VDR: variants seen among roughly 807,000 people sequenced by gnomAD.
The protein encoded by VDR is vitamin D3 receptor.
In VDR, 19 loss-of-function variants were observed where a neutral mutation model predicts 39.7. The ratio of observed to expected loss-of-function variants is 0.48; its 90% CI spans 0.33 to 0.70. VDR has a LOEUF of 0.70. Among genes scored for constraint, VDR ranks in the 30% least tolerant of loss-of-function variants. VDR has a pLI of 0.02. For synonymous variants in VDR, 242 were observed against 215.8 expected, an observed-to-expected ratio of 1.12 and a Z score of -1.07; for missense variants, 442 against 570.5, an observed-to-expected ratio of 0.77 and a Z score of 2.29.
chr12:47,844,319 AC>A lies in VDR; in HGVS notation c.*426del, dbSNP rs1945230156. On this transcript the variant is annotated 3_prime_UTR_variant, in exon 10 of 10. Coordinates refer to ENST00000549336, the MANE Select transcript of VDR (RefSeq NM_000376.3). ...TATCGTGAGTAGGCAGGAGAGGGAG[AC>A]CCCACTAGGCGCTGGACAAGCGGGG... is the stretch of plus-strand genomic sequence containing the variant. The A allele has an allele frequency of 3.6e-6, 1 of 280,646 alleles. No homozygotes were observed. The highest frequency in any genetic ancestry group is 6.9e-6 in the Non-Finnish European group (1 of 145,280). 17.4% of individuals were successfully genotyped at this position (280,646 alleles called of 1,614,324 possible).
At chr12:47,886,649 A>G (rs1309471330) in intron 1 of VDR, among the ~76,000 whole-genome samples, 1 of 152,236 alleles carries the variant, frequency 6.6e-6, no homozygotes, top group African/African-American at 2.4e-5. Flanking sequence ...TCTACAGACC[A>G]CAATGTCCAC....
intron 1 of VDR, among the ~76,000 whole-genome samples, chr12:47,890,011 A>G (rs925650238): frequency 6.6e-6 from 1 of 151,658 alleles, no homozygotes; most frequent in African/African-American, 2.4e-5. Flanking sequence ...TCACTCCTTT[A>G]TTATACTGAT....
chr12:47,861,206 A>AT, intron 4 of VDR, among the ~76,000 whole-genome samples: 2 of 152,278 alleles, frequency 1.3e-5, no homozygotes, highest in Non-Finnish European at 2.9e-5. Context: ...TTTGACAGGC[A>AT]TTGTGTTCCA....
intron 1 of VDR, among the ~76,000 whole-genome samples, chr12:47,889,606 A>T (rs1456823657): frequency 1.3e-5 from 2 of 152,106 alleles, no homozygotes; most frequent in Non-Finnish European, 2.9e-5. Context: ...TCTTCCTGGG[A>T]CACTAGCATG....
At chr12:47,871,466 CTTTTTTTT>C (rs11332250) in intron 3 of VDR, among the ~76,000 whole-genome samples, 1 of 114,490 alleles carries the variant, frequency 8.7e-6, no homozygotes, top group African/African-American at 3.5e-5. Flanking sequence ...CTCTTTCTTT[CTTTTTTTT>C]TTTTTTCTGG....
chr12:47,904,528 C>T, intron 1 of VDR: 2 of 1,498,624 alleles, frequency 1.3e-6, no homozygotes, highest in Non-Finnish European at 1.8e-6. Context: ...GGTGACCATA[C>T]CTGGGCCCTG....
At chr12:47,901,389 G>A (rs1390528460) in intron 1 of VDR, 4 of 155,568 alleles carry the variant, frequency 2.6e-5, no homozygotes, top group Admixed American at 1.3e-4. Flanking sequence ...TGCCATCAAC[G>A]CCTGTCACTT....
chr12:47,896,806 G>A (rs1480781590), intron 1 of VDR: 1 of 152,186 alleles, frequency 6.6e-6, no homozygotes, highest in Non-Finnish European at 1.5e-5. Context: ...GGGTGTGCTT[G>A]CCAAAGAGGC....
At chr12:47,880,196 G>C (rs887814731) in intron 2 of VDR, among the ~76,000 whole-genome samples, 2 of 152,074 alleles carry the variant, frequency 1.3e-5, no homozygotes, top group African/African-American at 4.8e-5. Context: ...CTTCTTGTCA[G>C]AAGAAAAATA....
chr12:47,879,952 G>A (rs1369410685), intron 2 of VDR, among the ~76,000 whole-genome samples: 1 of 152,180 alleles, frequency 6.6e-6, no homozygotes, highest in Non-Finnish European at 1.5e-5. Context: ...GCTTTGGGAA[G>A]GCCTTCTCAG....
intron 1 of VDR, among the ~76,000 whole-genome samples, chr12:47,890,411 A>C (rs1205824746): frequency 6.7e-6 from 1 of 149,572 alleles, no homozygotes; most frequent in Non-Finnish European, 1.5e-5. Context: ...CTAACACATA[A>C]ACTAAATTCA....
chr12:47,901,762 C>T (rs1946564536), intron 1 of VDR, among the ~76,000 whole-genome samples: 1 of 152,184 alleles, frequency 6.6e-6, no homozygotes, highest in Non-Finnish European at 1.5e-5. Context: ...AGTCTTGGCT[C>T]CACTATGAAC....
Position 47,843,506 on chromosome 12 carries a change from G to C in VDR, c.*1240C>G, listed in dbSNP as rs1945210795. On this transcript the variant is annotated 3_prime_UTR_variant, in exon 10 of 10. Transcript: ENST00000549336. ...CAGACGCTTCCCACCAGCTGGGCTG[G>C]GCTGGCTGCAGAGAGCATGCACTTG... 1 of 152,492 alleles carries C rather than the reference G, an allele frequency of 6.6e-6. No homozygotes were observed. The highest frequency in any genetic ancestry group is 1.5e-5 in the Non-Finnish European group (1 of 68,200). The allele number at this position is 152,492 out of a possible 1,614,324, so 9.4% of individuals were successfully genotyped here.
At chr12:47,859,128 G>A (rs1288864947) in intron 4 of VDR, among the ~76,000 whole-genome samples, 1 of 152,188 alleles carries the variant, frequency 6.6e-6, no homozygotes, top group African/African-American at 2.4e-5. Flanking sequence ...GAAGGCAATG[G>A]GGGTAAGCCC....
At chr12:47,867,985 C>T (rs926082559) in intron 3 of VDR, among the ~76,000 whole-genome samples, 2 of 152,158 alleles carry the variant, frequency 1.3e-5, no homozygotes, top group African/African-American at 4.8e-5. Context: ...CCCAGGCAGG[C>T]CCAGACTCTT....
At position 47,844,782 on chromosome 12, in the gene VDR, G is replaced by A; in HGVS notation, c.1248C>T (p.Pro416=). 6.2e-7 allele frequency: 1 copy of A among 1,614,142 alleles called. No homozygotes were observed. Among genetic ancestry groups the A allele is most frequent in the Non-Finnish European group, 8.5e-7 (1 of 1,180,002 alleles). ...FQPECSMKLT[P]LVLEVFGNEI... ...CATTGCCAAACACTTCGAGCACAAG[G>A]GGCGTTAGCTTCATGCTGCACTCAG... is the stretch of plus-strand genomic sequence containing the variant. Residue 416 remains proline (P), a synonymous_variant, in exon 10 of 10, where the codon CCC becomes CCT. Coordinates refer to ENST00000549336, the MANE Select transcript of VDR (RefSeq NM_000376.3).
chr12:47,891,377 C>T (rs1946365969), intron 1 of VDR, among the ~76,000 whole-genome samples: 1 of 152,182 alleles, frequency 6.6e-6, no homozygotes, highest in South Asian at 2.1e-4. Context: ...ATAACTGTAC[C>T]TGGCTTTAGT....
At chr12:47,875,546 A>C (rs1290971372) in intron 3 of VDR, among the ~76,000 whole-genome samples, 1 of 152,252 alleles carries the variant, frequency 6.6e-6, no homozygotes, top group Non-Finnish European at 1.5e-5. Context: ...TATTTGGACC[A>C]GATCAAAATG....
At position 47,844,708 on chromosome 12, in the gene VDR, G is replaced by A; in HGVS notation, c.*38C>T. ...CCGGGCCTGGCACGTGGCCCTGGAG[G>A]AGCAGCCCCACCCAGGCACCGCCAC... On this transcript the variant is annotated 3_prime_UTR_variant, in exon 10 of 10. Coordinates refer to ENST00000549336, the MANE Select transcript of VDR (RefSeq NM_000376.3). The A allele has an allele frequency of 1.9e-6, 3 of 1,612,910 alleles. No individual in the cohort carries two copies. Among genetic ancestry groups the A allele is most frequent in the Non-Finnish European group, 2.5e-6 (3 of 1,179,834 alleles).
Sources: gnomAD v4.1 joint callset for allele counts (sites outside exome capture counted in the v4.1 genomes callset) on GRCh38, gnomAD v4.1.1 for gene constraint, MANE v1.5 for transcripts, NCBI Gene and HGNC (gene_info 2026-07-23, HGNC 2026-07-21) for gene names.